Variants in CR1 observed in about 807,000 individuals in gnomAD.
CR1 encodes complement receptor type 1.
CR1 carries 116 observed loss-of-function variants against 187.3 expected under a neutral mutation model. The ratio of observed to expected loss-of-function variants is 0.62; its 90% CI spans 0.53 to 0.72. CR1 has a LOEUF of 0.72. Among genes scored for constraint, CR1 ranks in the 30% least tolerant of loss-of-function variants. The pLI is 0.00. For synonymous variants in CR1, 576 were observed against 747.1 expected (o/e 0.77, Z 3.73); for missense variants, 1,731 against 2,110.7 (o/e 0.82, Z 3.52).
intron 40 of CR1, among the ~76,000 whole-genome samples, chr1:207,615,260 A>G (rs549090162): frequency 6.6e-5 from 10 of 152,156 alleles, no homozygotes; most frequent in African/African-American, 2.4e-4. Flanking sequence ...TAGTGAAGAC[A>G]CCTCCCTACT....
chr1:207,598,404 C>T (rs1281066797), intron 35 of CR1, among the ~76,000 whole-genome samples: 2 of 143,952 alleles, frequency 1.4e-5, no homozygotes, highest in Non-Finnish European at 3.0e-5. Context: ...TGGTCCAGTG[C>T]ACAATAAAGA....
At chr1:207,611,899 C>T in intron 38 of CR1, 40 bp from the exon 39 acceptor site, 6 of 1,613,862 alleles carry the variant, frequency 3.7e-6, no homozygotes, top group Non-Finnish European at 5.1e-6. Flanking sequence ...TTCCCCTTCA[C>T]ATGGAGGACT....
chr1:207,567,451 G>T (rs140620857), intron 24 of CR1, among the ~76,000 whole-genome samples: 1 of 150,198 alleles, frequency 6.7e-6, no homozygotes, highest in Non-Finnish European at 1.5e-5. Context: ...CTTCCTCAGC[G>T]CTGTGTCCCC....
intron 32 of CR1, among the ~76,000 whole-genome samples, chr1:207,584,380 T>C (rs1457456064): frequency 2.0e-5 from 3 of 152,204 alleles, no homozygotes; most frequent in Non-Finnish European, 2.9e-5. Context: ...TAAAGGAATA[T>C]ACTCTTTATT....
chr1:207,621,836 C>T, intron 43 of CR1, 137 bp from the exon 44 acceptor site: 2 of 532,386 alleles, frequency 3.8e-6, no homozygotes, highest in South Asian at 6.2e-5. Flanking sequence ...TGAATGAAAC[C>T]AATGGCTTTT....
chr1:207,522,442 C>T (rs1422578532), intron 4 of CR1, among the ~76,000 whole-genome samples: 3 of 152,206 alleles, frequency 2.0e-5, no homozygotes, highest in African/African-American at 4.8e-5. Flanking sequence ...CCATTGTTGT[C>T]CCTTAACTTC....
chr1:207,606,789 T>C (rs1661766366), intron 35 of CR1, among the ~76,000 whole-genome samples: 1 of 152,200 alleles, frequency 6.6e-6, no homozygotes, highest in African/African-American at 2.4e-5. Flanking sequence ...TACTGACTCT[T>C]CTGGGTAAAT....
Position 207,611,676 on chromosome 1 carries a change from G to A in CR1, c.6296-1G>A, listed in dbSNP as rs377663310. The A allele has an allele frequency of 1.2e-6, 2 of 1,613,756 alleles. No homozygotes were observed. Among genetic ancestry groups the A allele is most frequent in the Non-Finnish European group, 1.7e-6 (2 of 1,179,736 alleles). ...GTGCTCTGGAACTGTCCTTTCCACA[G>A]TGTGTCAGCCGCCTCCAGAAATCCT... On this transcript the variant is annotated splice_acceptor_variant, in intron 37 of 46. Coordinates refer to ENST00000367049, the MANE Select transcript of CR1 (RefSeq NM_000651.6). LOFTEE classifies it high-confidence loss of function.
chr1:207,622,462 T>C (rs1662341283), intron 44 of CR1, among the ~76,000 whole-genome samples: 1 of 152,224 alleles, frequency 6.6e-6, no homozygotes. Flanking sequence ...AAGGGAATAC[T>C]GTGGCATATT....
chr1:207,573,161 G>C (rs1225151443), intron 27 of CR1, among the ~76,000 whole-genome samples: 1 of 152,056 alleles, frequency 6.6e-6, no homozygotes, highest in African/African-American at 2.4e-5. Context: ...ACACGGTCCA[G>C]CTGTTGGTGC....
intron 42 of CR1, 25 bp downstream of exon 42, chr1:207,618,272 A>G (rs753945481): frequency 6.2e-7 from 1 of 1,608,024 alleles, no homozygotes; most frequent in South Asian, 1.1e-5. Flanking sequence ...GGTATTCCTT[A>G]TTCTTGCTGG....
chr1:207,515,622 G>A (rs1659787887), intron 4 of CR1, among the ~76,000 whole-genome samples: 1 of 152,018 alleles, frequency 6.6e-6, no homozygotes, highest in East Asian at 1.9e-4. Context: ...TTTGCAGGAA[G>A]GATTGTTGGG....
At chr1:207,613,878 C>T (rs1440344934) in intron 39 of CR1, among the ~76,000 whole-genome samples, 5 of 152,054 alleles carry the variant, frequency 3.3e-5, no homozygotes, top group African/African-American at 9.7e-5. Context: ...GCACGTGGTT[C>T]AGCATGCTTC....
chr1:207,606,958 C>A (rs1384582927), intron 35 of CR1, among the ~76,000 whole-genome samples: 11 of 152,118 alleles, frequency 7.2e-5, no homozygotes, highest in Admixed American at 7.2e-4. Flanking sequence ...GATAAAATAA[C>A]TGCAAGGTTT....
chr1:207,581,197 TATATGTAGACGTATACATATGGACAC>T, intron 31 of CR1, among the ~76,000 whole-genome samples: 2 of 150,300 alleles, frequency 1.3e-5, no homozygotes, highest in South Asian at 4.2e-4. Flanking sequence ...CATGGACACG[TATATGTAGACGTATACATATGGACAC>T]GTATATGTAG....
chr1:207,583,870 C>A (rs984399485), intron 32 of CR1, among the ~76,000 whole-genome samples: 5 of 152,198 alleles, frequency 3.3e-5, no homozygotes, highest in African/African-American at 7.2e-5. Context: ...CTATTTTAAC[C>A]TTTGATTAGT....
At chr1:207,576,943 CA>C (rs1362543524) in intron 28 of CR1, among the ~76,000 whole-genome samples, 1 of 152,064 alleles carries the variant, frequency 6.6e-6, no homozygotes, top group African/African-American at 2.4e-5. Context: ...TCTCGTTTAG[CA>C]GGAGAAATAA....
intron 1 of CR1, among the ~76,000 whole-genome samples, chr1:207,503,566 T>C (rs986462908): frequency 2.6e-5 from 4 of 152,178 alleles, no homozygotes; most frequent in African/African-American, 7.2e-5. Context: ...ACCAGCACCA[T>C]AGTGTCTCTG....
chr1:207,630,106 G>T (rs1036853278), intron 45 of CR1, among the ~76,000 whole-genome samples: 1 of 152,118 alleles, frequency 6.6e-6, no homozygotes, highest in Admixed American at 6.5e-5. Flanking sequence ...ACAGAAAACA[G>T]AACACATATC....
Sources: allele counts gnomAD v4.1 joint callset (sites outside exome capture counted in the v4.1 genomes callset), GRCh38; gene constraint gnomAD v4.1.1; transcripts MANE v1.5; gene names NCBI Gene and HGNC (gene_info 2026-07-23, HGNC 2026-07-21).